The following PRKN variants were observed in gnomAD, a reference collection of about 807,000 sequenced individuals.
PRKN encodes parkin RBR E3 ubiquitin protein ligase, also known as E3 ubiquitin-protein ligase parkin.
In PRKN, 56 loss-of-function variants were observed where a neutral mutation model predicts 59.5. The observed-to-expected ratio is 0.94, with a 90% CI of 0.76 to 1.18. The LOEUF (loss-of-function observed/expected upper bound fraction) is 1.18, where lower values mean the gene tolerates loss of function less well. Ranked by LOEUF, PRKN falls within the 50% of genes most tolerant of loss-of-function variation. The pLI is 0.00. For missense variants in PRKN, 657 were observed against 596.4 expected (o/e 1.10, Z -1.06); for synonymous variants, 250 against 222.1 (o/e 1.13, Z -1.12).
intron 1 of PRKN, among the ~76,000 whole-genome samples, chr6:162,551,618 G>A (rs1779335201): frequency 1.3e-5 from 2 of 152,132 alleles, no homozygotes; most frequent in African/African-American, 2.4e-5. Context: ...ACATGGTTGA[G>A]TTTTTATAAA....
In PRKN at chr6:162,462,176, T is replaced by C. The variant is rs56943761; in HGVS notation, c.8-18703A>G. Among the ~76,000 whole-genome samples, 581 of 152,296 alleles carry C rather than the reference T, an allele frequency of 3.8e-3. 4 individuals are homozygous for C. The highest frequency in any genetic ancestry group is 0.013 in the African/African-American group (551 of 41,564). On this transcript the variant is annotated intron_variant, in intron 1 of 11. Transcript: ENST00000366898. ...TTTTACAAAAGGACAACGTAAATAA[T>C]TCATCTTTCAATATTAAGACAACAT...
chr6:162,522,201 G>T (rs535754170), intron 1 of PRKN, among the ~76,000 whole-genome samples: 204 of 152,310 alleles, frequency 1.3e-3, no homozygotes, highest in Admixed American at 2.4e-3. Flanking sequence ...TCTGCTGACT[G>T]CAACCTCTGC....
intron 7 of PRKN, among the ~76,000 whole-genome samples, chr6:161,632,413 A>G (rs539886164): frequency 2.4e-4 from 36 of 152,316 alleles, no homozygotes; most frequent in African/African-American, 8.7e-4. Flanking sequence ...AACGTTATCT[A>G]GTCTTTTACT....
At chr6:161,954,722 G>A (rs1780108316) in intron 6 of PRKN, among the ~76,000 whole-genome samples, 2 of 152,228 alleles carry the variant, frequency 1.3e-5, no homozygotes, top group African/African-American at 4.8e-5. Flanking sequence ...CGAGGTTTTT[G>A]GAATTTATTT....
chr6:161,602,330 T>TA (rs898173487), intron 7 of PRKN, among the ~76,000 whole-genome samples: 13 of 152,178 alleles, frequency 8.5e-5, no homozygotes, highest in African/African-American at 2.6e-4. Flanking sequence ...ACTTAAGCTA[T>TA]AAAAAAAACC....
rs984817637 is a variant in PRKN at position 161,360,888 on chromosome 6, G to A, written c.1168-683C>T. On this transcript the variant is annotated intron_variant, in intron 10 of 11. Transcript: ENST00000366898. This position sits in a 1 kb window ranked among gnomAD's most constrained non-coding sequence, Gnocchi z 5.1. The stretch of plus-strand genomic sequence containing the variant: ...TCTGGAAACATTCCCTAAGCTCTCT[G>A]ACAGTCTTTATCTCTCAGATGAAAC... 2.6e-5 allele frequency among the ~76,000 whole-genome samples: 4 copies of A among 152,290 alleles called. No individual in the cohort carries two copies. The highest frequency in any genetic ancestry group is 9.6e-5 in the African/African-American group (4 of 41,566).
intron 1 of PRKN, among the ~76,000 whole-genome samples, chr6:162,448,406 T>C (rs1026087849): frequency 1.3e-5 from 2 of 152,136 alleles, no homozygotes; most frequent in Non-Finnish European, 2.9e-5. Flanking sequence ...CATTTCTTTA[T>C]TTTATACTCT....
At chr6:162,529,230 G>A (rs1418523827) in intron 1 of PRKN, among the ~76,000 whole-genome samples, 1 of 151,320 alleles carries the variant, frequency 6.6e-6, no homozygotes, top group East Asian at 1.9e-4. Flanking sequence ...CTAACTTGAT[G>A]GGAAAAAAAT....
At chr6:162,073,539 C>T (rs1451014319) in intron 4 of PRKN, among the ~76,000 whole-genome samples, 1 of 152,140 alleles carries the variant, frequency 6.6e-6, no homozygotes, top group Non-Finnish European at 1.5e-5. Flanking sequence ...GCAGCCAAAA[C>T]CTCCTGGGCT....
intron 1 of PRKN, among the ~76,000 whole-genome samples, chr6:162,649,645 C>T (rs1018817454): frequency 4.6e-5 from 7 of 151,538 alleles, no homozygotes; most frequent in Non-Finnish European, 1.0e-4. Flanking sequence ...GGCAACAGTG[C>T]AATACTCTGT....
intron 1 of PRKN, among the ~76,000 whole-genome samples, chr6:162,709,203 A>T (rs557949009): frequency 6.6e-6 from 1 of 152,234 alleles, no homozygotes; most frequent in African/African-American, 2.4e-5. Flanking sequence ...ATTTCATTAT[A>T]TATTACAATG....
At chr6:161,937,112 G>A (rs1779387930) in intron 6 of PRKN, among the ~76,000 whole-genome samples, 1 of 151,986 alleles carries the variant, frequency 6.6e-6, no homozygotes, top group Admixed American at 6.6e-5. Context: ...GTGTGTAAAG[G>A]GTCCCCATTT....
chr6:161,675,989 T>A (rs1375216718), intron 7 of PRKN, among the ~76,000 whole-genome samples: 1 of 152,220 alleles, frequency 6.6e-6, no homozygotes, highest in African/African-American at 2.4e-5. Context: ...AGTCTTGAGT[T>A]ATCTTTTCCT....
rs889583745 is a variant in PRKN, at chr6:161,414,857, C to T, written c.1084-27980G>A. Among the ~76,000 whole-genome samples the T allele has an allele frequency of 1.3e-5, 2 of 152,292 alleles. No individual in the cohort carries two copies. The highest frequency in any genetic ancestry group is 2.4e-5 in the African/African-American group (1 of 41,556). ...TTGTGGGCTATAAATTAAGAGGCTT[C>T]CGTTTCAAATACAAACTCTCTCATC... is the stretch of plus-strand genomic sequence containing the variant. On this transcript the variant is annotated intron_variant, in intron 9 of 11. Transcript: ENST00000366898. The surrounding 1 kb of genome is among the most constrained non-coding windows in gnomAD (Gnocchi z 5.3).
At chr6:162,041,935 A>G (rs897370595) in intron 5 of PRKN, among the ~76,000 whole-genome samples, 6 of 152,030 alleles carry the variant, frequency 3.9e-5, no homozygotes, top group African/African-American at 1.2e-4. Flanking sequence ...GAACAGTTCT[A>G]TTGATCCTGC....
At position 161,353,638 on chromosome 6, in the gene PRKN, C is replaced by A. The variant is rs1784646261; in HGVS notation, c.1286-3427G>T. On this transcript the variant is annotated intron_variant, in intron 11 of 11. Transcript: ENST00000366898. This position sits in a 1 kb window ranked among gnomAD's most constrained non-coding sequence, Gnocchi z 4.8. ...CTTCATCTGTATCTTTTGTAATATCCTTTATAATAAACTGGTAAATGTGTT... is the reference window on the plus strand; with the variant it reads ...CTTCATCTGTATCTTTTGTAATATCATTTATAATAAACTGGTAAATGTGTT... 1.3e-5 allele frequency among the ~76,000 whole-genome samples: 2 copies of A among 152,214 alleles called. No homozygotes were observed. Among genetic ancestry groups the A allele is most frequent in the South Asian group, 4.1e-4 (2 of 4,834 alleles).
intron 6 of PRKN, among the ~76,000 whole-genome samples, chr6:161,801,203 G>A (rs1486043335): frequency 6.6e-6 from 1 of 152,194 alleles, no homozygotes; most frequent in African/African-American, 2.4e-5. Flanking sequence ...CCTCAATTCC[G>A]CATGCCAGGG....
chr6:161,771,128 G>A (rs1789657425), intron 7 of PRKN, among the ~76,000 whole-genome samples: 1 of 151,920 alleles, frequency 6.6e-6, no homozygotes, highest in Admixed American at 6.6e-5. Context: ...AGGCCGAGGT[G>A]GGCGGATTAC....
chr6:161,365,555 T>C (rs538394983), intron 10 of PRKN, among the ~76,000 whole-genome samples: 21 of 152,274 alleles, frequency 1.4e-4, no homozygotes, highest in African/African-American at 4.6e-4. Context: ...AACTGGAAAA[T>C]TGCAAATTTA....
Sources: allele counts gnomAD v4.1 joint callset (sites outside exome capture counted in the v4.1 genomes callset), GRCh38; gene constraint gnomAD v4.1.1; non-coding constraint Gnocchi (gnomAD v3.1); transcripts MANE v1.5; gene names NCBI Gene and HGNC (gene_info 2026-07-23, HGNC 2026-07-21).